Variants in UTP14A observed in about 807,000 individuals in gnomAD.
UTP14A encodes the protein U3 small nucleolar RNA-associated protein 14 homolog A.
A neutral mutation model predicts 57.2 loss-of-function variants in UTP14A; 5 were observed. The ratio of observed to expected loss-of-function variants is 0.09; its 90% CI spans 0.05 to 0.18. The LOEUF (loss-of-function observed/expected upper bound fraction) is 0.18. Ranked by LOEUF, UTP14A falls within the 10% of genes least tolerant of loss-of-function variation. The pLI, the probability that UTP14A is intolerant of heterozygous loss-of-function variation, is 1.00. For synonymous variants in UTP14A, 169 were observed against 210.9 expected, an observed-to-expected ratio of 0.80 and a Z score of 1.72; for missense variants, 430 against 562.1, an observed-to-expected ratio of 0.76 and a Z score of 2.38.
Position 129,906,180 on chromosome X carries a change from T to G in UTP14A, c.-31T>G. ...AATTGCTTTCCTTCGGCTTCCGTTC[T>G]TGGTCCATGTGAGAGAAGCTGGCTG... On this transcript the variant is annotated 5_prime_UTR_variant, in exon 1 of 15. Coordinates refer to ENST00000394422, the MANE Select transcript of UTP14A (RefSeq NM_006649.4). The G allele has an allele frequency of 8.3e-7, 1 of 1,210,839 alleles. No individual in the cohort carries two copies.
At chrX:129,918,414 AAACT>A (rs1442850226) in intron 6 of UTP14A, among the ~76,000 whole-genome samples, 92 of 107,942 alleles carry the variant, frequency 8.5e-4, no homozygotes, top group African/African-American at 2.7e-3. Flanking sequence ...AAAAAAAAAA[AAACT>A]AACCGCCCCT....
intron 6 of UTP14A, among the ~76,000 whole-genome samples, chrX:129,917,597 C>T (rs757119485): frequency 3.6e-5 from 4 of 112,050 alleles, no homozygotes; most frequent in African/African-American, 1.3e-4. Flanking sequence ...GTAAAATTAA[C>T]TGGAAACTGA....
chrX:129,911,524 T>C (rs56384367), intron 5 of UTP14A, among the ~76,000 whole-genome samples: 22,319 of 110,219 alleles, frequency 0.2, 2,365 homozygotes, highest in African/African-American at 0.41. Context: ...GAGCTGAGAT[T>C]GCACCATTGC....
rs369904550 is a variant in UTP14A, at chrX:129,912,112, C to CTT, written c.537+205_537+206dup. 3.2e-3 allele frequency among the ~76,000 whole-genome samples: 320 copies of CTT among 99,936 alleles called. 3 individuals are homozygous for CTT. The highest frequency in any genetic ancestry group is 0.011 in the African/African-American group (299 of 26,736). The allele number at this position is 99,936 out of a possible 115,157, so 86.8% of individuals were successfully genotyped here. A position where few individuals can be genotyped will look rare whatever the true frequency, so the allele number is the denominator to read the frequency against. On this transcript the variant is annotated intron_variant, in intron 6 of 14. Transcript: ENST00000394422. ...GCCAGTCACAATAGCTCTGTGATCA[C>CTT]TTTTTTTTTTTTTTTCTTGAGACAG...
In UTP14A at chrX:129,929,387, A is replaced by G; in HGVS notation, c.2095A>G (p.Ile699Val). Residue 699 changes from isoleucine to valine, a missense_variant, in exon 15 of 15, where the codon ATC becomes GTC. By Grantham distance (29) the Ile-to-Val change is conservative (BLOSUM62 3). Coordinates refer to ENST00000394422, the MANE Select transcript of UTP14A (RefSeq NM_006649.4). Reference protein sequence around the residue: ...FTHHWQFERTIQTPIGSTWNT... With the variant: ...FTHHWQFERTVQTPIGSTWNT... ...CCACCATTGGCAATTTGAAAGGACCATCCAGACCCCCATAGGATCCACATG... is the reference window on the plus strand; with the variant it reads ...CCACCATTGGCAATTTGAAAGGACCGTCCAGACCCCCATAGGATCCACATG... The G allele has an allele frequency of 8.3e-7, 1 of 1,211,826 alleles. No individual in the cohort carries two copies. The highest frequency in any genetic ancestry group is 1.8e-5 in the South Asian group (1 of 57,010).
At chrX:129,912,512 C>CATA (rs1426219550) in intron 6 of UTP14A, among the ~76,000 whole-genome samples, 1 of 110,561 alleles carries the variant, frequency 9.0e-6, no homozygotes, top group African/African-American at 3.3e-5. Flanking sequence ...ATAGCAGGAA[C>CATA]ATAATAATGT....
At chrX:129,923,193 T>C (rs1349645055) in intron 11 of UTP14A, 1 of 112,576 alleles carries the variant, frequency 8.9e-6, no homozygotes, top group East Asian at 2.8e-4. Context: ...AATGGCTTCA[T>C]GCCAAAGCTA....
chrX:129,926,462 G>A, intron 14 of UTP14A, 123 bp downstream of exon 14: 1 of 598,813 alleles, frequency 1.7e-6, no homozygotes, highest in Non-Finnish European at 2.6e-6. Flanking sequence ...AATCAAATCT[G>A]TTGTTTTCAC....
chrX:129,929,109 G>T (rs1475772701), intron 14 of UTP14A, among the ~76,000 whole-genome samples: 2 of 111,606 alleles, frequency 1.8e-5, no homozygotes, highest in Admixed American at 1.9e-4. Flanking sequence ...ATAGATGGGG[G>T]ATCCAGAGCC....
rs45451495 is a variant in UTP14A at position 129,926,039 on chromosome X, G to A, written c.1870G>A (p.Val624Met). ...TGTGGAGGCGAGTAAGCCAAAGGAC[G>A]TGGACCTGACACTACCTGGCTGGGG... ...EAVEASKPKD[V>M]DLTLPGWGEW... Residue 624 changes from valine (V) to methionine (M), a missense_variant, in exon 13 of 15, where the codon GTG (valine) becomes ATG (methionine). Physicochemically the swap from Val to Met is conservative, Grantham distance 21 (BLOSUM62 1). This residue lies in a region of UTP14A where 82 missense variants were observed against 151.4 expected (regional missense o/e 0.54). Coordinates refer to ENST00000394422, the MANE Select transcript of UTP14A (RefSeq NM_006649.4). The A allele has an allele frequency of 4.8e-4, 581 of 1,210,287 alleles. No homozygotes were observed. Among genetic ancestry groups the A allele is most frequent in the Non-Finnish European group, 5.9e-4 (528 of 895,177 alleles).
chrX:129,907,501 G>T, intron 2 of UTP14A, 59 bp downstream of exon 2: 2 of 1,007,352 alleles, frequency 2.0e-6, no homozygotes, highest in South Asian at 4.2e-5. Context: ...TTCCTGGAAT[G>T]GAAGGGTGTG....
At chrX:129,912,221 T>C (rs1329247925) in intron 6 of UTP14A, among the ~76,000 whole-genome samples, 1 of 109,502 alleles carries the variant, frequency 9.1e-6, no homozygotes, top group Non-Finnish European at 1.9e-5. Context: ...CAAGCAATTC[T>C]CCTGCCTCAG....
At chrX:129,910,185 A>G (rs771568562) in intron 4 of UTP14A, among the ~76,000 whole-genome samples, 1 of 111,782 alleles carries the variant, frequency 8.9e-6, no homozygotes, top group Non-Finnish European at 1.9e-5. Context: ...TAAGGTAGAA[A>G]CATGCACAAC....
intron 5 of UTP14A, 35 bp downstream of exon 5, chrX:129,911,185 G>T (rs1428831129): frequency 6.8e-6 from 8 of 1,171,927 alleles, no homozygotes; most frequent in Non-Finnish European, 5.7e-6. Context: ...TTAAGGGAAA[G>T]AAATTGAATT....
intron 11 of UTP14A, among the ~76,000 whole-genome samples, chrX:129,924,119 G>A (rs1930009103): frequency 9.1e-6 from 1 of 109,442 alleles, no homozygotes; most frequent in Non-Finnish European, 1.9e-5. Context: ...GCCATGCCTG[G>A]AAATTTTTTG....
chrX:129,925,906 TG>T lies in UTP14A; in HGVS notation c.1750-12del. 1 of 1,209,224 alleles carries T rather than the reference TG, an allele frequency of 8.3e-7. No homozygotes were observed. Among genetic ancestry groups the T allele is most frequent in the Non-Finnish European group, 1.1e-6 (1 of 894,505 alleles). ...CATAAGCCAAGCTGTAGCTCTCGCTTGTTTCTTCCCAGGAAGATGAAGAGGA... is the reference window on the plus strand; with the variant it reads ...CATAAGCCAAGCTGTAGCTCTCGCTTTTTCTTCCCAGGAAGATGAAGAGGA... On this transcript the variant is annotated splice_polypyrimidine_tract_variant and intron_variant, in intron 12 of 14. Transcript: ENST00000394422.
In UTP14A at chrX:129,914,765, CTG is replaced by C. The variant is rs1466294694; in HGVS notation, c.537+2846_537+2847del. The stretch of plus-strand genomic sequence containing the variant: ...CTTTCACCCCTCTCCTCACTATTCT[CTG>C]TCTACAGTGGTATTTCCCAAGGCAT... On this transcript the variant is annotated intron_variant, in intron 6 of 14. Transcript: ENST00000394422. 5.3e-5 allele frequency among the ~76,000 whole-genome samples: 6 copies of C among 112,469 alleles called. No homozygotes were observed. In the South Asian group the frequency reaches 1.5e-3, roughly 27 times the overall value.
chrX:129,906,892 C>T (rs1236746501), intron 1 of UTP14A, among the ~76,000 whole-genome samples: 1 of 110,996 alleles, frequency 9.0e-6, no homozygotes, highest in Non-Finnish European at 1.9e-5. Context: ...ATTAGGCTGC[C>T]TATCAATGAG....
At chrX:129,915,221 A>T (rs1302139623) in intron 6 of UTP14A, among the ~76,000 whole-genome samples, 1 of 106,215 alleles carries the variant, frequency 9.4e-6, no homozygotes, top group Non-Finnish European at 1.9e-5. Context: ...TCTCAAAAAT[A>T]AAAAATAAAA....
Sources: gnomAD v4.1 joint callset for allele counts (sites outside exome capture counted in the v4.1 genomes callset) on GRCh38, gnomAD v4.1.1 for gene constraint, gnomAD v4.1.1 regional missense constraint, MANE v1.5 for transcripts, NCBI Gene and HGNC (gene_info 2026-07-23, HGNC 2026-07-21) for gene names.